CYTH1: variants seen among roughly 807,000 people sequenced by gnomAD.
CYTH1 encodes the protein cytohesin-1.
A neutral mutation model predicts 61.8 loss-of-function variants in CYTH1; 18 were observed. The ratio of observed to expected loss-of-function variants is 0.29; its 90% CI spans 0.20 to 0.43. The LOEUF (loss-of-function observed/expected upper bound fraction) is 0.43. CYTH1 is among the 20% of genes least tolerant of loss of function. CYTH1 has a pLI of 1.00. For missense variants in CYTH1, 336 were observed against 510.5 expected (o/e 0.66, Z 3.29); for synonymous variants, 174 against 184.3 (o/e 0.94, Z 0.45).
At chr17:78,728,978 T>C (rs567472088) in intron 1 of CYTH1, among the ~76,000 whole-genome samples, 1 of 152,336 alleles carries the variant, frequency 6.6e-6, no homozygotes, top group African/African-American at 2.4e-5. Context: ...TATTGGTGAG[T>C]CTGCTCATTT....
chr17:78,687,071 G>C (rs537411422), intron 11 of CYTH1, among the ~76,000 whole-genome samples: 1 of 152,018 alleles, frequency 6.6e-6, no homozygotes, highest in Non-Finnish European at 1.5e-5. Context: ...GTGAGCCACC[G>C]CGCCCAGCCT....
At position 78,689,968 on chromosome 17, in the gene CYTH1, G is replaced by A. The variant is rs116276461; in HGVS notation, c.891+2449C>T. On this transcript the variant is annotated intron_variant, in intron 11 of 13. Coordinates refer to ENST00000446868, the MANE Select transcript of CYTH1 (RefSeq NM_004762.6). ...TGCTGCCCCTGCCACCGCTGCTTCC[G>A]CTGCTGCCCAGGGCTGCAGTGCACT... Among the ~76,000 whole-genome samples, 1,325 of 151,950 alleles carry A rather than the reference G, an allele frequency of 8.7e-3. 16 individuals carry two copies. Among genetic ancestry groups the A allele is most frequent in the African/African-American group, 0.03 (1,245 of 41,412 alleles).
chr17:78,680,407 T>C, intron 12 of CYTH1, 63 bp from the exon 13 acceptor site: 1 of 1,519,034 alleles, frequency 6.6e-7, no homozygotes, highest in Non-Finnish European at 8.9e-7. Context: ...AGAAACATGC[T>C]GATTTCTTTC....
Position 78,753,239 on chromosome 17 carries a change from T to C in CYTH1, c.22+28963A>G, listed in dbSNP as rs139917739. Among the ~76,000 whole-genome samples the C allele has an allele frequency of 4.0e-3, 613 of 152,184 alleles. 3 individuals are homozygous for C. The highest frequency in any genetic ancestry group is 0.017 in the Middle Eastern group (5 of 294). On this transcript the variant is annotated intron_variant, in intron 1 of 13. Transcript: ENST00000446868. ...CGTTGGGAGGCTGAGGTGGGAGAAT[T>C]GCTTGAGGCCAGGAGTTCTAGACCA...
intron 1 of CYTH1, among the ~76,000 whole-genome samples, chr17:78,716,603 A>G (rs1319173860): frequency 6.6e-6 from 1 of 152,180 alleles, no homozygotes; most frequent in African/African-American, 2.4e-5. Context: ...ACTTTATTTT[A>G]AAAAGCTGAA....
At chr17:78,759,591 G>A (rs1400493219) in intron 1 of CYTH1, among the ~76,000 whole-genome samples, 1 of 152,152 alleles carries the variant, frequency 6.6e-6, no homozygotes, top group African/African-American at 2.4e-5. Context: ...AAAATCCAAG[G>A]TTGGTTATTC....
chr17:78,729,939 G>A (rs2093284286), intron 1 of CYTH1, among the ~76,000 whole-genome samples: 1 of 152,122 alleles, frequency 6.6e-6, no homozygotes, highest in Admixed American at 6.5e-5. Context: ...CTGCCTATCT[G>A]TATATCTGGA....
intron 1 of CYTH1, among the ~76,000 whole-genome samples, chr17:78,747,997 ATC>A (rs548734196): frequency 7.6e-4 from 116 of 152,280 alleles, no homozygotes; most frequent in Non-Finnish European, 1.1e-3. Flanking sequence ...TTTTCAATAA[ATC>A]TCTGTTTTTG....
In CYTH1 at chr17:78,760,380, TATATACACAC is replaced by T. The variant is rs2093417785; in HGVS notation, c.22+21812_22+21821del. The stretch of plus-strand genomic sequence containing the variant: ...TTATATATATATATATATATATATA[TATATACACAC>T]ACATACATATATATATGTGTATATA... On this transcript the variant is annotated intron_variant, in intron 1 of 13. Transcript: ENST00000446868. Among the ~76,000 whole-genome samples, 11 of 55,106 alleles carry T rather than the reference TATATACACAC, an allele frequency of 2.0e-4. 2 individuals are homozygous for T. The highest frequency in any genetic ancestry group is 7.1e-4 in the African/African-American group (10 of 14,158). 36.2% of individuals were successfully genotyped at this position (55,106 alleles called of 152,430 possible).
rs2092994858 is a variant in CYTH1, at chr17:78,700,355, T to G, written c.526A>C (p.Asn176His). The G allele has an allele frequency of 6.2e-7, 1 of 1,613,118 alleles. No individual in the cohort carries two copies. Residue 176 changes from asparagine to histidine, a missense_variant, in exon 7 of 14, where the codon AAT becomes CAT. Asn to His is a moderately conservative substitution (Grantham distance 68). Around this residue, in one of 4 missense-constraint regions of CYTH1, gnomAD observed 125 missense variants for 209.9 expected, o/e 0.60. Coordinates refer to ENST00000446868, the MANE Select transcript of CYTH1 (RefSeq NM_004762.6). The surrounding 1 kb of genome is among the most constrained non-coding windows in gnomAD (Gnocchi z 5.1). ...CCCGTGGACTGGAACACGCCATTAT[T>G]GCACTGACAATATCGCTGGGCAAAC... ...EAFAQRYCQC[N>H]NGVFQSTDTC... is the part of the protein sequence containing the mutation.
At chr17:78,708,077 T>C in intron 3 of CYTH1, 120 bp downstream of exon 3, 1 of 987,286 alleles carries the variant, frequency 1.0e-6, no homozygotes, top group South Asian at 1.4e-5. Flanking sequence ...ATGTGCTTGC[T>C]AGAATTAGAA....
intron 1 of CYTH1, among the ~76,000 whole-genome samples, chr17:78,734,166 C>T (rs1567866585): frequency 6.6e-6 from 1 of 151,816 alleles, no homozygotes; most frequent in East Asian, 2.0e-4. Flanking sequence ...AGGAGAATCG[C>T]TTGAACCCAG....
intron 11 of CYTH1, among the ~76,000 whole-genome samples, chr17:78,684,449 A>C (rs552597753): frequency 6.6e-6 from 1 of 152,232 alleles, no homozygotes; most frequent in South Asian, 2.1e-4. Context: ...CTCAGTGATG[A>C]CTTGTGTGTG....
At chr17:78,761,824 C>T (rs992591121) in intron 1 of CYTH1, among the ~76,000 whole-genome samples, 7 of 152,204 alleles carry the variant, frequency 4.6e-5, no homozygotes, top group Admixed American at 2.0e-4. Flanking sequence ...CACATTTATA[C>T]GTTTGAGAAA....
chr17:78,737,923 A>G (rs1474044589), intron 1 of CYTH1, among the ~76,000 whole-genome samples: 2 of 151,902 alleles, frequency 1.3e-5, no homozygotes, highest in African/African-American at 4.8e-5. Context: ...GTCGTTTTAT[A>G]GCTACTTATT....
intron 10 of CYTH1, among the ~76,000 whole-genome samples, chr17:78,694,459 A>G (rs117630391): frequency 0.015 from 2,222 of 152,332 alleles, 29 homozygotes; most frequent in Non-Finnish European, 0.023. Context: ...TGCATGTGGA[A>G]AACAGGAAAG....
rs758104223 is a variant in CYTH1 at position 78,675,988 on chromosome 17, G to A, written c.*103C>T. ...CTAGTCTCTAGGAATCCAGGGCGGG[G>A]CCTGGCAGAGGACGCTCTGCTCGGC... On this transcript the variant is annotated 3_prime_UTR_variant, in exon 14 of 14. Coordinates refer to ENST00000446868, the MANE Select transcript of CYTH1 (RefSeq NM_004762.6). 6.5e-7 allele frequency: 1 copy of A among 1,549,974 alleles called. No homozygotes were observed. The highest frequency in any genetic ancestry group is 8.7e-7 in the Non-Finnish European group (1 of 1,146,188).
intron 11 of CYTH1, among the ~76,000 whole-genome samples, chr17:78,688,797 G>T (rs553484921): frequency 6.6e-6 from 1 of 152,142 alleles, no homozygotes; most frequent in Non-Finnish European, 1.5e-5. Flanking sequence ...TGGCTTTGTT[G>T]GGTAGTTGGT....
chr17:78,681,686 T>G (rs2092764580), intron 11 of CYTH1, among the ~76,000 whole-genome samples: 1 of 152,084 alleles, frequency 6.6e-6, no homozygotes, highest in African/African-American at 2.4e-5. Context: ...CACAGTCCCC[T>G]GATATCCAGC....
Sources: allele counts gnomAD v4.1 joint callset (sites outside exome capture counted in the v4.1 genomes callset), GRCh38; gene constraint gnomAD v4.1.1; regional missense constraint gnomAD v4.1.1; non-coding constraint Gnocchi (gnomAD v3.1); transcripts MANE v1.5; gene names NCBI Gene and HGNC (gene_info 2026-07-23, HGNC 2026-07-21).